Variants in SLC5A4 observed in about 807,000 individuals in gnomAD.
The protein encoded by SLC5A4 is solute carrier family 5 member 4.
In SLC5A4, 55 loss-of-function variants were observed where a neutral mutation model predicts 70.3. That is an observed-to-expected ratio of 0.78 (90% CI 0.63 to 0.98). The LOEUF (loss-of-function observed/expected upper bound fraction) is 0.98. Ranked by LOEUF, SLC5A4 falls within the 50% of genes least tolerant of loss-of-function variation. The pLI, the probability that SLC5A4 is intolerant of heterozygous loss-of-function variation, is 0.00. For missense variants in SLC5A4, 735 were observed against 839.2 expected, an observed-to-expected ratio of 0.88 and a Z score of 1.53; for synonymous variants, 268 against 305.7, an observed-to-expected ratio of 0.88 and a Z score of 1.29.
the SLC5A4 span, among the ~76,000 whole-genome samples, chr22:32,333,202 C>T: frequency 1.5e-4 from 22 of 148,946 alleles, 2 homozygotes; most frequent in African/African-American, 3.7e-4. Context: ...TGGCACCCCC[C>T]CCCCAGAAGA....
At chr22:32,242,437 T>C (rs1033717067) in intron 5 of SLC5A4, among the ~76,000 whole-genome samples, 7 of 151,938 alleles carry the variant, frequency 4.6e-5, no homozygotes, top group Non-Finnish European at 7.4e-5. Flanking sequence ...TGGCTGGGCG[T>C]GGTGGCTCAT....
the SLC5A4 span, among the ~76,000 whole-genome samples, chr22:32,260,389 G>T: frequency 9.9e-5 from 15 of 152,064 alleles, no homozygotes; most frequent in African/African-American, 3.4e-4. Context: ...TTAGAGAAAA[G>T]ATTGTATTTT....
At chr22:32,261,171 C>T in the SLC5A4 span, among the ~76,000 whole-genome samples, 1,026 of 152,194 alleles carry the variant, frequency 6.7e-3, 8 homozygotes, top group Non-Finnish European at 0.011. Flanking sequence ...CAGGGGAGAA[C>T]GCTCACTCCT....
chr22:32,269,791 C>T, the SLC5A4 span: 80 of 687,828 alleles, frequency 1.2e-4, no homozygotes, highest in Non-Finnish European at 2.0e-4. The surrounding 1 kb of genome is among the most constrained non-coding windows in gnomAD (Gnocchi z 4.1). Context: ...GCCCAGGCCA[C>T]CTTCATCTCC....
chr22:32,346,488 T>C, the SLC5A4 span, among the ~76,000 whole-genome samples: 11 of 151,820 alleles, frequency 7.2e-5, no homozygotes, highest in Non-Finnish European at 1.0e-4. Flanking sequence ...AACAGCATGG[T>C]ACTGGTACCA....
At chr22:32,331,056 G>GAGGCTCTGGTGTGTATGTGTTGA in the SLC5A4 span, among the ~76,000 whole-genome samples, 5 of 129,216 alleles carry the variant, frequency 3.9e-5, no homozygotes, top group East Asian at 4.8e-4. Flanking sequence ...GTGTGTGTTG[G>GAGGCTCTGGTGTGTATGTGTTGA]AGGCTCTGGT....
chr22:32,351,990 G>A, the SLC5A4 span, among the ~76,000 whole-genome samples: 1 of 151,744 alleles, frequency 6.6e-6, no homozygotes. Flanking sequence ...AGAGAATCAA[G>A]GAGACCTATT....
At position 32,223,798 on chromosome 22, in the gene SLC5A4, C is replaced by G. The variant is rs191281749; in HGVS notation, c.1665+469G>C. ...CTTTTTAATTCACTGGTGCTTTGCA[C>G]ATACTAGGTGCAAATTGTTCTTTAT... is the stretch of plus-strand genomic sequence containing the variant. On this transcript the variant is annotated intron_variant, in intron 13 of 14. Coordinates refer to ENST00000266086, the MANE Select transcript of SLC5A4 (RefSeq NM_014227.3). 1.4e-4 allele frequency among the ~76,000 whole-genome samples: 21 copies of G among 152,308 alleles called. 1 individual carries two copies. Among genetic ancestry groups the G allele is most frequent in the Admixed American group, 1.2e-3 (18 of 15,298 alleles).
At chr22:32,310,677 G>T in the SLC5A4 span, among the ~76,000 whole-genome samples, 1 of 152,230 alleles carries the variant, frequency 6.6e-6, no homozygotes. Flanking sequence ...CTGAGGCCAG[G>T]GGCCTGGGTC....
chr22:32,334,713 C>T, the SLC5A4 span, among the ~76,000 whole-genome samples: 1 of 152,206 alleles, frequency 6.6e-6, no homozygotes, highest in Non-Finnish European at 1.5e-5. Context: ...TGAGATGTCC[C>T]AGGGATTGAA....
At chr22:32,314,830 T>C in the SLC5A4 span, among the ~76,000 whole-genome samples, 71,451 of 151,840 alleles carry the variant, frequency 0.47, 17,038 homozygotes, top group East Asian at 0.65. Flanking sequence ...ACAGAGAGAG[T>C]GAGCGAGCTT....
chr22:32,270,268 G>T, the SLC5A4 span: 1 of 745,052 alleles, frequency 1.3e-6, no homozygotes, highest in South Asian at 1.4e-5. Flanking sequence ...CTTCCTGTCT[G>T]AAGAGTTTCA....
At chr22:32,227,971 A>T (rs2123880430) in intron 11 of SLC5A4, among the ~76,000 whole-genome samples, 1 of 152,230 alleles carries the variant, frequency 6.6e-6, no homozygotes, top group Non-Finnish European at 1.5e-5. Flanking sequence ...TCTTGAAAAA[A>T]AAATTGTATT....
chr22:32,333,333 G>A, the SLC5A4 span, among the ~76,000 whole-genome samples: 2 of 152,116 alleles, frequency 1.3e-5, no homozygotes, highest in Admixed American at 6.5e-5. Flanking sequence ...CCTCCGGAAG[G>A]AGCATGACCT....
chr22:32,300,778 A>G, the SLC5A4 span, among the ~76,000 whole-genome samples: 4 of 152,212 alleles, frequency 2.6e-5, no homozygotes, highest in Non-Finnish European at 5.9e-5. Flanking sequence ...TGAATGTACT[A>G]CAATTTGTTT....
upstream of SLC5A4, among the ~76,000 whole-genome samples, chr22:32,259,076 T>A (rs1927623212): frequency 6.6e-6 from 1 of 152,010 alleles, no homozygotes; most frequent in Non-Finnish European, 1.5e-5. Flanking sequence ...TGTGGGGAGG[T>A]AAATGGAGAG....
chr22:32,299,630 C>T, the SLC5A4 span, among the ~76,000 whole-genome samples: 5 of 101,584 alleles, frequency 4.9e-5, no homozygotes, highest in African/African-American at 1.5e-4. Context: ...GTAATTTGAT[C>T]GTCTGAAGCC....
chr22:32,227,246 T>C (rs779395851), intron 11 of SLC5A4, among the ~76,000 whole-genome samples: 2 of 152,202 alleles, frequency 1.3e-5, no homozygotes, highest in Non-Finnish European at 2.9e-5. Context: ...ACTTTATCAT[T>C]GAGACTTAAG....
chr22:32,353,404 C>T, the SLC5A4 span, among the ~76,000 whole-genome samples: 572 of 152,188 alleles, frequency 3.8e-3, 6 homozygotes, highest in African/African-American at 0.013. Flanking sequence ...ACATAGAGGG[C>T]GCGGGCCTGG....
Sources: gnomAD v4.1 joint callset for allele counts (sites outside exome capture counted in the v4.1 genomes callset) on GRCh38, gnomAD v4.1.1 for gene constraint, Gnocchi (gnomAD v3.1) non-coding constraint, MANE v1.5 for transcripts, NCBI Gene and HGNC (gene_info 2026-07-23, HGNC 2026-07-21) for gene names.